The following EPM2A variants were observed in gnomAD, a reference collection of about 807,000 sequenced individuals.
EPM2A encodes the protein laforin.
Under a neutral mutation model 26.5 loss-of-function variants are expected in EPM2A, and 21 were observed. That is an observed-to-expected ratio of 0.79 (90% CI 0.56 to 1.14). The LOEUF (loss-of-function observed/expected upper bound fraction) is 1.14. Ranked by LOEUF, EPM2A falls within the 50% of genes most tolerant of loss-of-function variation. The probability of loss-of-function intolerance (pLI) is 0.00; values close to 1 mark genes in which losing one functional copy is unlikely to be tolerated. For missense variants in EPM2A, 458 were observed against 440.8 expected (o/e 1.04, Z -0.35); for synonymous variants, 217 against 177.6 (o/e 1.22, Z -1.76).
chr6:145,517,075 G>A (rs1053643300), intron 2 of EPM2A, among the ~76,000 whole-genome samples: 1 of 152,266 alleles, frequency 6.6e-6, no homozygotes, highest in African/African-American at 2.4e-5. Flanking sequence ...AAGATATTAT[G>A]TTAAGTGAAA....
At chr6:145,692,956 A>T (rs1443776487) in intron 1 of EPM2A, among the ~76,000 whole-genome samples, 1 of 152,116 alleles carries the variant, frequency 6.6e-6, no homozygotes, top group East Asian at 1.9e-4. Flanking sequence ...GAAGAATTTT[A>T]TTGGTAGGCT....
intron 2 of EPM2A, among the ~76,000 whole-genome samples, chr6:145,554,463 G>GATAGATAC (rs1318685735): frequency 2.0e-5 from 3 of 150,886 alleles, no homozygotes; most frequent in Admixed American, 6.6e-5. Flanking sequence ...TAGATAGATA[G>GATAGATAC]ATAGATACAT....
chr6:145,717,332 T>C (rs1205419171), intron 1 of EPM2A, among the ~76,000 whole-genome samples: 2 of 152,190 alleles, frequency 1.3e-5, no homozygotes, highest in South Asian at 2.1e-4. Flanking sequence ...TCAGTAAATG[T>C]AATCCAGCAC....
intron 1 of EPM2A, among the ~76,000 whole-genome samples, chr6:145,719,156 T>A (rs1214979866): frequency 6.6e-6 from 1 of 151,636 alleles, no homozygotes; most frequent in Non-Finnish European, 1.5e-5. Flanking sequence ...CATGCTGCTA[T>A]AAAGACACAT....
intron 2 of EPM2A, among the ~76,000 whole-genome samples, chr6:145,540,456 C>T (rs1470262662): frequency 6.6e-6 from 1 of 152,170 alleles, no homozygotes; most frequent in African/African-American, 2.4e-5. Flanking sequence ...CTCCCTTCCC[C>T]TGTTACTTGG....
At chr6:145,523,140 T>C (rs936388323) in intron 2 of EPM2A, among the ~76,000 whole-genome samples, 1 of 152,236 alleles carries the variant, frequency 6.6e-6, no homozygotes, top group African/African-American at 2.4e-5. Flanking sequence ...GGCAGAACTT[T>C]GTTTTTTCAG....
At chr6:145,691,334 C>T (rs927829099) in intron 1 of EPM2A, among the ~76,000 whole-genome samples, 2 of 152,084 alleles carry the variant, frequency 1.3e-5, no homozygotes, top group Non-Finnish European at 2.9e-5. Context: ...AAGGAAGTGT[C>T]ATTTTTCAAG....
intron 2 of EPM2A, among the ~76,000 whole-genome samples, chr6:145,505,241 A>T (rs924311998): frequency 8.1e-6 from 1 of 122,800 alleles, no homozygotes; most frequent in African/African-American, 3.2e-5. Context: ...AACTTAAAGT[A>T]TAATTAAAAA....
chr6:145,475,577 C>T (rs936806450), intron 4 of EPM2A, among the ~76,000 whole-genome samples: 1 of 151,188 alleles, frequency 6.6e-6, no homozygotes, highest in Non-Finnish European at 1.5e-5. Flanking sequence ...CAAACCTGCA[C>T]GTTCTGCACA....
chr6:145,583,765 G>A (rs1781148290), intron 2 of EPM2A, among the ~76,000 whole-genome samples: 1 of 152,256 alleles, frequency 6.6e-6, no homozygotes, highest in Non-Finnish European at 1.5e-5. Flanking sequence ...GAATGGCAGA[G>A]TGCCCACATG....
intron 2 of EPM2A, among the ~76,000 whole-genome samples, chr6:145,576,334 T>C (rs1781031018): frequency 1.3e-5 from 2 of 151,876 alleles, no homozygotes; most frequent in Non-Finnish European, 2.9e-5. Context: ...TGTTGTCCAA[T>C]TAATGAAAGA....
rs1215856544 is a variant in EPM2A at position 145,488,520 on chromosome 6, T to TGAGAGAGAGAGAGA, written c.555+14001_555+14002insTCTCTCTCTCTCTC. Among the ~76,000 whole-genome samples the TGAGAGAGAGAGAGA allele has an allele frequency of 4.2e-3, 568 of 136,500 alleles. 7 individuals are homozygous for TGAGAGAGAGAGAGA. Among genetic ancestry groups the TGAGAGAGAGAGAGA allele is most frequent in the African/African-American group, 0.014 (463 of 32,622 alleles). The allele number at this position is 136,500 out of a possible 152,430, so 89.5% of individuals were successfully genotyped here. A position where few individuals can be genotyped will look rare whatever the true frequency, so the allele number is the denominator to read the frequency against. On this transcript the variant is annotated intron_variant, in intron 4 of 4. Coordinates refer to the EPM2A transcript ENST00000638717. ...TTGTGTGTGTGTGTGTGTGTGTGTG[T>TGAGAGAGAGAGAGA]GTGAGAGAGAGAGAGAGAGAGAGAG...
chr6:145,711,362 A>G (rs1775312157), intron 1 of EPM2A, among the ~76,000 whole-genome samples: 1 of 152,214 alleles, frequency 6.6e-6, no homozygotes, highest in African/African-American at 2.4e-5. Flanking sequence ...CACACACTTG[A>G]ATGACTGAGC....
Position 145,732,228 on chromosome 6 carries a change from TGTGTGTGTGC to T in EPM2A, c.301+2960_301+2969del, listed in dbSNP as rs1167290342. ...GTGTGTGTGTGTGTGTGTGTGTGTG[TGTGTGTGTGC>T]GCGCCAAAGTAAGGAAGGGAGAGGA... On this transcript the variant is annotated intron_variant, in intron 1 of 3. Transcript: ENST00000367519. 1.0e-3 allele frequency among the ~76,000 whole-genome samples: 121 copies of T among 121,412 alleles called. 1 individual carries two copies. In the South Asian group the frequency reaches 0.02, roughly 20 times the overall value. 79.7% of individuals were successfully genotyped at this position (121,412 alleles called of 152,430 possible).
chr6:145,633,147 T>C (rs1008319373), intron 3 of EPM2A, among the ~76,000 whole-genome samples: 2 of 152,116 alleles, frequency 1.3e-5, no homozygotes, highest in Non-Finnish European at 2.9e-5. Context: ...AGCCTTCAGG[T>C]AATCAGTGTG....
At chr6:145,556,962 C>T (rs1188674700) in intron 2 of EPM2A, among the ~76,000 whole-genome samples, 2 of 152,040 alleles carry the variant, frequency 1.3e-5, no homozygotes, top group Non-Finnish European at 2.9e-5. Flanking sequence ...AGAAGACTTT[C>T]AGCTCATAAC....
intron 4 of EPM2A, among the ~76,000 whole-genome samples, chr6:145,388,576 A>G (rs1358006406): frequency 6.6e-6 from 1 of 152,154 alleles, no homozygotes; most frequent in Non-Finnish European, 1.5e-5. Context: ...CATGTTTGTT[A>G]CACAGGTATA....
chr6:145,671,695 TC>T (rs995872690), intron 2 of EPM2A, among the ~76,000 whole-genome samples: 2 of 152,180 alleles, frequency 1.3e-5, no homozygotes, highest in African/African-American at 4.8e-5. Flanking sequence ...GTAATTAACT[TC>T]ATTCATTTAA....
chr6:145,705,545 A>G (rs1485417069), intron 1 of EPM2A: 1 of 456,258 alleles, frequency 2.2e-6, no homozygotes, highest in East Asian at 7.0e-5. Context: ...ACAGACTGAG[A>G]CCCTGTCTCA....
Sources: gnomAD v4.1 joint callset for allele counts (sites outside exome capture counted in the v4.1 genomes callset) on GRCh38, gnomAD v4.1.1 for gene constraint, MANE v1.5 for transcripts, NCBI Gene and HGNC (gene_info 2026-07-23, HGNC 2026-07-21) for gene names.